The following KLHL1 variants were observed in gnomAD, a reference collection of about 807,000 sequenced individuals.
KLHL1 encodes the protein kelch-like protein 1.
Under a neutral mutation model 77.7 loss-of-function variants are expected in KLHL1, and 47 were observed. The ratio of observed to expected loss-of-function variants is 0.60; its 90% confidence interval spans 0.48 to 0.77. The LOEUF is 0.77. Ranked by LOEUF, KLHL1 falls within the 30% of genes least tolerant of loss-of-function variation. The pLI, the probability that KLHL1 is intolerant of heterozygous loss-of-function variation, is 0.00. For synonymous variants in KLHL1, 360 were observed against 325.2 expected (o/e 1.11, Z -1.15); for missense variants, 925 against 910.8 (o/e 1.02, Z -0.20).
chr13:70,095,058 C>A (rs899892459), intron 1 of KLHL1, among the ~76,000 whole-genome samples: 8 of 152,138 alleles, frequency 5.3e-5, no homozygotes, highest in African/African-American at 1.9e-4. Context: ...GCTCCTCCAA[C>A]GTAGAATTGA....
intron 4 of KLHL1, among the ~76,000 whole-genome samples, chr13:69,927,698 G>A (rs373561280): frequency 7.2e-5 from 11 of 151,960 alleles, no homozygotes; most frequent in African/African-American, 2.4e-4. Flanking sequence ...CAAAAACCAC[G>A]AAATACTATT....
At chr13:70,081,109 G>A (rs1887381112) in intron 1 of KLHL1, among the ~76,000 whole-genome samples, 2 of 152,156 alleles carry the variant, frequency 1.3e-5, no homozygotes, top group Admixed American at 1.3e-4. Flanking sequence ...TAACAAGGAA[G>A]TAGGAGGATT....
chr13:69,929,895 A>T (rs1248933483), intron 4 of KLHL1, among the ~76,000 whole-genome samples: 1 of 151,894 alleles, frequency 6.6e-6, no homozygotes, highest in Non-Finnish European at 1.5e-5. Flanking sequence ...GATCAATAAA[A>T]TAAATATATT....
At chr13:69,797,603 T>G (rs1014018451) in intron 6 of KLHL1, among the ~76,000 whole-genome samples, 4 of 150,574 alleles carry the variant, frequency 2.7e-5, no homozygotes, top group African/African-American at 9.8e-5. Context: ...GATCACAAGG[T>G]CAGGAGATCG....
chr13:69,862,154 T>G (rs1880193839), intron 5 of KLHL1, among the ~76,000 whole-genome samples: 1 of 151,910 alleles, frequency 6.6e-6, no homozygotes, highest in African/African-American at 2.4e-5. Context: ...ATAATAAAGA[T>G]TTTGAACAAA....
chr13:69,915,652 C>T (rs1315599978), intron 4 of KLHL1, among the ~76,000 whole-genome samples: 1 of 151,988 alleles, frequency 6.6e-6, no homozygotes. Flanking sequence ...AGAAGAAAAC[C>T]TAGGCAATAC....
chr13:70,062,277 A>G (rs561306138), intron 1 of KLHL1, among the ~76,000 whole-genome samples: 1 of 152,268 alleles, frequency 6.6e-6, no homozygotes, highest in Admixed American at 6.5e-5. Flanking sequence ...TATATTTGAG[A>G]TTTATTTATC....
intron 7 of KLHL1, among the ~76,000 whole-genome samples, chr13:69,745,691 A>T (rs1056133568): frequency 5.9e-5 from 9 of 151,994 alleles, no homozygotes; most frequent in Non-Finnish European, 1.2e-4. Flanking sequence ...GACAAGCATA[A>T]CTAAAATAGA....
rs147593232 is a variant in KLHL1 at position 70,107,321 on chromosome 13, C to T, written c.379G>A (p.Glu127Lys). Residue 127 changes from glutamate to lysine, a missense_variant, in exon 1 of 11, where the codon GAG becomes AAG. Coordinates refer to ENST00000377844, the MANE Select transcript of KLHL1 (RefSeq NM_020866.3). ...RTLFYVESLE[E>K]EVVPGMDFPG... ...AAGTCCATGCCTGGCACCACCTCCT[C>T]CTCTAGTGACTCCACGTAGAAGAGA... 4,381 of 1,614,192 alleles carry T rather than the reference C, an allele frequency of 2.7e-3. 11 individuals are homozygous for T. The highest frequency in any genetic ancestry group is 3.2e-3 in the Non-Finnish European group (3,751 of 1,180,034).
intron 1 of KLHL1, among the ~76,000 whole-genome samples, chr13:70,045,258 C>T (rs1021921037): frequency 2.6e-5 from 4 of 152,066 alleles, no homozygotes; most frequent in South Asian, 2.1e-4. Context: ...ATGATTAATC[C>T]AATACATTAA....
In KLHL1 at chr13:69,975,684, A is replaced by C. The variant is rs748280993; in HGVS notation, c.616T>G (p.Leu206Val). 2.3e-5 allele frequency: 37 copies of C among 1,613,610 alleles called. No homozygotes were observed. The highest frequency in any genetic ancestry group is 1.6e-4 in the Middle Eastern group (1 of 6,078). The change falls in exon 2 of 11, where the codon TTG becomes GTG. Residue 206 changes from leucine (L) to valine (V), a missense_variant. Transcript: ENST00000377844. Reference sequence around the variant, plus strand: ...ACATCACAAAGTTGCTGCTGCTTCAAATAACTTTCCATCTTTCTGAAGGTT... The same window carrying C: ...ACATCACAAAGTTGCTGCTGCTTCACATAACTTTCCATCTTTCTGAAGGTT... Reference protein sequence around the residue: ...EQTFRKMESYLKQQQLCDVIL... With the variant: ...EQTFRKMESYVKQQQLCDVIL...
Position 70,107,954 on chromosome 13 carries a change from G to T in KLHL1, c.-255C>A. On this transcript the variant is annotated 5_prime_UTR_variant, in exon 1 of 11. Transcript: ENST00000377844. ...GGGACACCACCAGGCAGGAGCAGAGGCAGGACTGGGACGCCAAAAGCTGAG... is the reference window on the plus strand; with the variant it reads ...GGGACACCACCAGGCAGGAGCAGAGTCAGGACTGGGACGCCAAAAGCTGAG... The T allele has an allele frequency of 2.2e-6, 1 of 458,388 alleles. No homozygotes were observed. Among genetic ancestry groups the T allele is most frequent in the Non-Finnish European group, 3.8e-6 (1 of 261,194 alleles). 28.4% of individuals were successfully genotyped at this position (458,388 alleles called of 1,614,324 possible).
At chr13:70,062,948 T>C (rs1886925846) in intron 1 of KLHL1, among the ~76,000 whole-genome samples, 1 of 152,202 alleles carries the variant, frequency 6.6e-6, no homozygotes, top group South Asian at 2.1e-4. Flanking sequence ...ATTTTTTGTT[T>C]ACCTTAATTA....
intron 7 of KLHL1, among the ~76,000 whole-genome samples, chr13:69,770,265 C>T (rs1277746184): frequency 2.0e-5 from 3 of 152,178 alleles, no homozygotes; most frequent in African/African-American, 7.2e-5. Context: ...AAGGTGATCA[C>T]AGAATCTGGG....
chr13:69,975,638 C>T lies in KLHL1; in HGVS notation c.662G>A (p.Arg221Gln), dbSNP rs763594243. 4.3e-5 allele frequency: 70 copies of T among 1,613,028 alleles called. No homozygotes were observed. Among genetic ancestry groups the T allele is most frequent in the South Asian group, 9.9e-5 (9 of 91,012 alleles). ...LCDVILIVGN[R>Q]KIPAHRLVLS... is the part of the protein sequence containing the mutation. ...ACTGTACCTATGTGCAGGTATCTTT[C>T]GGTTCCCAACAATCAGGATAACATC... The change falls in exon 2 of 11, where the codon CGA (arginine) becomes CAA (glutamine). Residue 221 changes from arginine (R) to glutamine (Q), a missense_variant. By Grantham distance (43) the Arg-to-Gln change is conservative. Coordinates refer to ENST00000377844, the MANE Select transcript of KLHL1 (RefSeq NM_020866.3).
intron 1 of KLHL1, among the ~76,000 whole-genome samples, chr13:70,095,394 A>G (rs1887764156): frequency 6.6e-6 from 1 of 152,330 alleles, no homozygotes; most frequent in Admixed American, 6.5e-5. Flanking sequence ...ATTACATGGA[A>G]TCTTATTTAA....
intron 1 of KLHL1, among the ~76,000 whole-genome samples, chr13:70,064,937 T>C (rs890469733): frequency 6.6e-6 from 1 of 152,160 alleles, no homozygotes; most frequent in African/African-American, 2.4e-5. Flanking sequence ...GAAAGTTTCC[T>C]TGAACCCCTT....
chr13:69,961,794 CAT>C (rs1336642129), intron 2 of KLHL1, among the ~76,000 whole-genome samples: 1 of 148,780 alleles, frequency 6.7e-6, no homozygotes, highest in East Asian at 2.0e-4. Flanking sequence ...GAACGCATAA[CAT>C]ATATTGATCT....
chr13:69,927,555 A>G (rs1033473915), intron 4 of KLHL1, among the ~76,000 whole-genome samples: 1 of 152,218 alleles, frequency 6.6e-6, no homozygotes, highest in African/African-American at 2.4e-5. Context: ...AACTTTTACA[A>G]CTAAGTAATT....
Sources: gnomAD v4.1 joint callset for allele counts (sites outside exome capture counted in the v4.1 genomes callset) on GRCh38, gnomAD v4.1.1 for gene constraint, MANE v1.5 for transcripts, NCBI Gene and HGNC (gene_info 2026-07-23, HGNC 2026-07-21) for gene names.